The following PLCE1 variants were observed in gnomAD, a reference collection of about 807,000 sequenced individuals.
The protein encoded by PLCE1 is 1-phosphatidylinositol 4,5-bisphosphate phosphodiesterase epsilon-1.
Under a neutral mutation model 242.8 loss-of-function variants are expected in PLCE1, and 119 were observed. That is an observed-to-expected ratio of 0.49 (90% confidence interval 0.42 to 0.57). The LOEUF is 0.57. Among genes scored for constraint, PLCE1 ranks in the 20% least tolerant of loss-of-function variants. PLCE1 has a pLI of 0.00. For synonymous variants in PLCE1, 945 were observed against 1,017.4 expected (o/e 0.93, Z 1.35); for missense variants, 2,441 against 2,788.8 (o/e 0.88, Z 2.81).
chr10:94,045,296 A>G (rs1356999908), intron 2 of PLCE1, among the ~76,000 whole-genome samples: 2 of 152,146 alleles, frequency 1.3e-5, no homozygotes, highest in African/African-American at 2.4e-5. Context: ...GGCTAATCAA[A>G]AATATATATA....
chr10:94,169,967 A>C (rs2047922689), intron 3 of PLCE1, among the ~76,000 whole-genome samples: 1 of 152,224 alleles, frequency 6.6e-6, no homozygotes, highest in Non-Finnish European at 1.5e-5. Flanking sequence ...AGGACAGAGA[A>C]ATTTTGTTAG....
chr10:94,288,200 C>T (rs1169763086), intron 22 of PLCE1, among the ~76,000 whole-genome samples: 1 of 152,098 alleles, frequency 6.6e-6, no homozygotes, highest in Non-Finnish European at 1.5e-5. Context: ...AAGTCATACC[C>T]ACCAGGTAGT....
chr10:94,071,574 G>A (rs916475449), intron 2 of PLCE1, among the ~76,000 whole-genome samples: 37 of 126,700 alleles, frequency 2.9e-4, no homozygotes, highest in African/African-American at 1.1e-3. Flanking sequence ...ATAGTTCACT[G>A]CAGCCTTGAA....
chr10:94,093,822 T>G (rs1590001095), intron 2 of PLCE1, among the ~76,000 whole-genome samples: 1 of 152,030 alleles, frequency 6.6e-6, no homozygotes, highest in East Asian at 1.9e-4. Context: ...AGACAGGATT[T>G]GTGCTGGGTA....
intron 14 of PLCE1, 150 bp from the exon 15 acceptor site, chr10:94,265,497 T>C: frequency 1.4e-6 from 1 of 701,028 alleles, no homozygotes; most frequent in Non-Finnish European, 2.5e-6. Context: ...AAAAACTACT[T>C]CTTACCACTA....
chr10:94,259,316 C>T (rs1195911411), intron 13 of PLCE1, among the ~76,000 whole-genome samples, 166 bp downstream of exon 13: 2 of 148,902 alleles, frequency 1.3e-5, no homozygotes, highest in African/African-American at 5.0e-5. Flanking sequence ...TGCAGTCTCA[C>T]TCTGTAGCCC....
intron 1 of PLCE1, among the ~76,000 whole-genome samples, chr10:94,005,099 G>A (rs1344619711): frequency 2.0e-5 from 3 of 152,136 alleles, no homozygotes; most frequent in African/African-American, 4.8e-5. Context: ...TTCCATCCTC[G>A]TTCCTTCCTT....
intron 3 of PLCE1, among the ~76,000 whole-genome samples, chr10:94,161,875 A>C (rs1490985842): frequency 6.6e-6 from 1 of 152,118 alleles, no homozygotes. Context: ...AGGGCTGTTG[A>C]ATTTTGTCAA....
chr10:94,304,517 G>A lies in PLCE1; in HGVS notation c.5494G>A (p.Ala1832Thr). ...ACATTTAAATGCTGCAATGTTTGAG[G>A]CAAATGGTGGTTGTGGTTATGTATT... ...PLHLNAAMFE[A>T]NGGCGYVLKP... Residue 1832 changes from alanine (A) to threonine (T), a missense_variant, in exon 25 of 33, where the codon GCA becomes ACA. Ala to Thr is a moderately conservative substitution (Grantham distance 58). Coordinates refer to ENST00000371380, the MANE Select transcript of PLCE1 (RefSeq NM_016341.4). 6.2e-7 allele frequency: 1 copy of A among 1,614,028 alleles called. No individual in the cohort carries two copies. The highest frequency in any genetic ancestry group is 8.5e-7 in the Non-Finnish European group (1 of 1,179,940).
chr10:94,293,408 G>C (rs1262975205), intron 22 of PLCE1, 100 bp from the exon 23 acceptor site: 1 of 1,301,138 alleles, frequency 7.7e-7, no homozygotes, highest in African/African-American at 1.5e-5. Flanking sequence ...AGGTTCCAAG[G>C]GAGTAGTAGG....
At chr10:94,144,128 A>T (rs991849276) in intron 3 of PLCE1, among the ~76,000 whole-genome samples, 21 of 152,208 alleles carry the variant, frequency 1.4e-4, no homozygotes, top group African/African-American at 4.6e-4. Context: ...ATCTAGGCTG[A>T]TACACTACCA....
intron 9 of PLCE1, among the ~76,000 whole-genome samples, chr10:94,253,644 C>T (rs1049293988): frequency 1.3e-5 from 2 of 152,052 alleles, no homozygotes; most frequent in Non-Finnish European, 2.9e-5. Context: ...CATGAGCCAC[C>T]ACACCCAGCC....
At position 94,031,622 on chromosome 10, in the gene PLCE1, A is replaced by T; in HGVS notation, c.576A>T (p.Glu192Asp). The T allele has an allele frequency of 6.2e-7, 1 of 1,613,592 alleles. No individual in the cohort carries two copies. Among genetic ancestry groups the T allele is most frequent in the Non-Finnish European group, 8.5e-7 (1 of 1,179,788 alleles). Reference protein sequence around the residue: ...SRRAVFHFHYEVDRRMSDTFC... With the variant: ...SRRAVFHFHYDVDRRMSDTFC... The stretch of plus-strand genomic sequence containing the variant: ...GGGCAGTATTTCATTTTCATTATGA[A>T]GTTGACAGAAGAATGTCAGACACTT... The change falls in exon 2 of 33, where the codon GAA (glutamate) becomes GAT (aspartate). Residue 192 changes from glutamate (E) to aspartate (D), a missense_variant. Transcript: ENST00000371380.
At chr10:94,263,490 G>A (rs943468327) in intron 14 of PLCE1, among the ~76,000 whole-genome samples, 7 of 149,616 alleles carry the variant, frequency 4.7e-5, no homozygotes, top group South Asian at 2.1e-4. Flanking sequence ...TTCCAGCCTC[G>A]GCAACAGAGC....
In PLCE1 at chr10:94,328,163, T is replaced by G. The variant is rs184484950; in HGVS notation, c.*220T>G. The G allele has an allele frequency of 1.7e-4, 51 of 296,844 alleles. No homozygotes were observed. The East Asian group carries it at 4.1e-3, about 24-fold the overall frequency. The allele number at this position is 296,844 out of a possible 1,614,324, so 18.4% of individuals were successfully genotyped here. A position where few individuals can be genotyped will look rare whatever the true frequency, so the allele number is the denominator to read the frequency against. On this transcript the variant is annotated 3_prime_UTR_variant, in exon 33 of 33. Coordinates refer to ENST00000371380, the MANE Select transcript of PLCE1 (RefSeq NM_016341.4). ...TACTGATGAATGAAGCCCAGGGGAC[T>G]GCCATTTTATAAATGTCAGCAGTTG...
chr10:94,215,660 A>C (rs903104716), intron 4 of PLCE1, among the ~76,000 whole-genome samples: 2 of 152,198 alleles, frequency 1.3e-5, no homozygotes, highest in African/African-American at 4.8e-5. Flanking sequence ...ATACAAGATA[A>C]GAGCTAGACA....
intron 2 of PLCE1, among the ~76,000 whole-genome samples, chr10:94,129,314 T>G (rs2046526474): frequency 6.6e-6 from 1 of 152,250 alleles, no homozygotes; most frequent in Non-Finnish European, 1.5e-5. Context: ...CAGGCTGTGT[T>G]CTTTAAAGAA....
At chr10:94,003,242 C>G (rs2060965888) in intron 1 of PLCE1, among the ~76,000 whole-genome samples, 1 of 152,154 alleles carries the variant, frequency 6.6e-6, no homozygotes, top group Non-Finnish European at 1.5e-5. Flanking sequence ...TTCATACTTT[C>G]TAGAAGGCAT....
chr10:94,037,631 A>T (rs184838906), intron 2 of PLCE1, among the ~76,000 whole-genome samples: 197 of 152,254 alleles, frequency 1.3e-3, no homozygotes, highest in African/African-American at 4.7e-3. Flanking sequence ...AGTGAAAGGG[A>T]ATCCAGCTTC....
Sources: allele counts gnomAD v4.1 joint callset (sites outside exome capture counted in the v4.1 genomes callset), GRCh38; gene constraint gnomAD v4.1.1; transcripts MANE v1.5; gene names NCBI Gene and HGNC (gene_info 2026-07-23, HGNC 2026-07-21).